The following CTNNA3 variants were observed in gnomAD, a reference collection of about 807,000 sequenced individuals.
CTNNA3 encodes the protein catenin alpha-3.
In CTNNA3, 76 loss-of-function variants were observed where a neutral mutation model predicts 95.7. That is an observed-to-expected ratio of 0.79 (90% confidence interval 0.66 to 0.96). CTNNA3 has a LOEUF of 0.96. Among genes scored for constraint, CTNNA3 ranks in the 40% least tolerant of loss-of-function variants. The pLI is 0.00. For missense variants in CTNNA3, 1,191 were observed against 1,089.8 expected, an observed-to-expected ratio of 1.09 and a Z score of -1.31; for synonymous variants, 431 against 374.4, an observed-to-expected ratio of 1.15 and a Z score of -1.74.
chr10:66,994,279 G>A (rs936172723), intron 7 of CTNNA3, among the ~76,000 whole-genome samples: 4 of 152,114 alleles, frequency 2.6e-5, no homozygotes, highest in South Asian at 2.1e-4. Flanking sequence ...AGCTTTATAC[G>A]GACATTTAAC....
chr10:66,214,983 C>T (rs189104423), intron 13 of CTNNA3, among the ~76,000 whole-genome samples: 1 of 151,606 alleles, frequency 6.6e-6, no homozygotes, highest in Non-Finnish European at 1.5e-5. Flanking sequence ...AGGTTGATGA[C>T]TAGATAGATA....
At chr10:66,341,873 A>T (rs957759481) in intron 12 of CTNNA3, among the ~76,000 whole-genome samples, 1 of 151,876 alleles carries the variant, frequency 6.6e-6, no homozygotes, top group Non-Finnish European at 1.5e-5. Context: ...CAATATATGG[A>T]AATGGGATAG....
intron 12 of CTNNA3, among the ~76,000 whole-genome samples, chr10:66,371,337 G>A (rs554226394): frequency 1.3e-5 from 2 of 152,226 alleles, no homozygotes; most frequent in African/African-American, 4.8e-5. Context: ...TGAAGCTAGT[G>A]TCTTGGCCAT....
chr10:67,358,314 T>C (rs1364312979), intron 5 of CTNNA3, among the ~76,000 whole-genome samples: 3 of 151,974 alleles, frequency 2.0e-5, no homozygotes, highest in Admixed American at 2.0e-4. Context: ...AAAGACACTA[T>C]TACAAAAATG....
chr10:66,363,871 T>C (rs1276064973), intron 12 of CTNNA3, among the ~76,000 whole-genome samples: 12 of 152,172 alleles, frequency 7.9e-5, no homozygotes, highest in Admixed American at 7.9e-4. Flanking sequence ...ACTAAGACTA[T>C]GCAGCAGGCA....
chr10:66,756,858 T>G (rs1839380731), intron 9 of CTNNA3, among the ~76,000 whole-genome samples: 1 of 152,158 alleles, frequency 6.6e-6, no homozygotes, highest in Non-Finnish European at 1.5e-5. Flanking sequence ...AAATCCACCT[T>G]GTTGAGCCTT....
intron 7 of CTNNA3, among the ~76,000 whole-genome samples, chr10:66,858,285 G>A (rs1310170722): frequency 6.6e-6 from 1 of 151,992 alleles, no homozygotes; most frequent in Non-Finnish European, 1.5e-5. Flanking sequence ...TTTTTGATTT[G>A]TTGTTGGGTT....
At chr10:67,415,722 C>T (rs573850285) in intron 5 of CTNNA3, among the ~76,000 whole-genome samples, 1 of 152,226 alleles carries the variant, frequency 6.6e-6, no homozygotes, top group East Asian at 1.9e-4. Flanking sequence ...AAGACAGAGA[C>T]ATTACACTAC....
Position 66,149,779 on chromosome 10 carries a change from CTGAG to C in CTNNA3, c.1885-46534_1885-46531del, listed in dbSNP as rs2084095004. ...ACAGTTCTTTATAAATTAAATTAAG[CTGAG>C]TATCATCCATTTTTATAGTCTTTCA... is the stretch of plus-strand genomic sequence containing the variant. On this transcript the variant is annotated intron_variant, in intron 13 of 17. Coordinates refer to ENST00000433211, the MANE Select transcript of CTNNA3 (RefSeq NM_013266.4). Among the ~76,000 whole-genome samples, 3 of 151,906 alleles carry C rather than the reference CTGAG, an allele frequency of 2.0e-5. No individual in the cohort carries two copies. In the South Asian group the frequency reaches 6.3e-4, roughly 32 times the overall value.
chr10:67,185,559 A>G (rs970134961), intron 6 of CTNNA3, among the ~76,000 whole-genome samples: 6 of 152,144 alleles, frequency 3.9e-5, no homozygotes, highest in African/African-American at 1.4e-4. Flanking sequence ...TTCTTTACCC[A>G]GTAGATATTA....
intron 7 of CTNNA3, among the ~76,000 whole-genome samples, chr10:66,983,545 C>T (rs2132893153): frequency 6.6e-6 from 1 of 152,252 alleles, no homozygotes; most frequent in South Asian, 2.1e-4. Context: ...TCTTCCCAAC[C>T]ATGGTAACAT....
intron 10 of CTNNA3, among the ~76,000 whole-genome samples, chr10:66,585,802 T>C (rs549738770): frequency 7.2e-5 from 11 of 152,158 alleles, no homozygotes; most frequent in Admixed American, 5.9e-4. Context: ...GTCAGTGTGA[T>C]TGATTTTTTT....
intron 10 of CTNNA3, among the ~76,000 whole-genome samples, chr10:66,572,297 C>T (rs759011173): frequency 1.3e-5 from 2 of 151,560 alleles, no homozygotes; most frequent in South Asian, 2.1e-4. Flanking sequence ...GCAGGAGAAT[C>T]GCTTAAACCC....
At chr10:66,223,847 A>T (rs1038410904) in intron 13 of CTNNA3, among the ~76,000 whole-genome samples, 5 of 150,124 alleles carry the variant, frequency 3.3e-5, no homozygotes, top group African/African-American at 1.2e-4. Flanking sequence ...TACGTAGCTT[A>T]CCCTTCACAA....
At chr10:66,103,049 C>G (rs186717320) in intron 14 of CTNNA3, 108 bp downstream of exon 14, 1 of 828,292 alleles carries the variant, frequency 1.2e-6, no homozygotes, top group African/African-American at 1.7e-5. Context: ...ACAGAACTAG[C>G]TCCAGATCCA....
intron 7 of CTNNA3, among the ~76,000 whole-genome samples, chr10:66,917,168 G>A (rs1846532503): frequency 1.3e-5 from 2 of 152,208 alleles, no homozygotes; most frequent in Admixed American, 1.3e-4. Flanking sequence ...GAAGAACAGT[G>A]TAAGAGTTTA....
In CTNNA3 at chr10:66,897,646, AATAAT is replaced by A. The variant is rs201438820; in HGVS notation, c.1048-122127_1048-122123del. The stretch of plus-strand genomic sequence containing the variant: ...AATCATTTTTATTCATCAAATTGTT[AATAAT>A]ATGAGTTACTCTTAGAATACTATTA... On this transcript the variant is annotated intron_variant, in intron 7 of 17. Transcript: ENST00000433211. Among the ~76,000 whole-genome samples, 479 of 152,286 alleles carry A rather than the reference AATAAT, an allele frequency of 3.1e-3. 3 individuals carry two copies. Among genetic ancestry groups the A allele is most frequent in the African/African-American group, 0.011 (449 of 41,578 alleles).
chr10:66,315,119 T>G lies in CTNNA3; in HGVS notation c.1733-34498A>C, dbSNP rs534943785. ...TCTTTATTAATAAATTTTACTGAGA[T>G]AGCTTATTGCTCCTTTTTTTTTCTC... On this transcript the variant is annotated intron_variant, in intron 12 of 17. Transcript: ENST00000433211. 3.7e-4 allele frequency among the ~76,000 whole-genome samples: 57 copies of G among 152,202 alleles called. 1 individual carries two copies. Among genetic ancestry groups the G allele is most frequent in the South Asian group, 1.5e-3 (7 of 4,826 alleles).
At chr10:67,391,144 T>C (rs902367397) in intron 5 of CTNNA3, among the ~76,000 whole-genome samples, 3 of 152,106 alleles carry the variant, frequency 2.0e-5, no homozygotes, top group Non-Finnish European at 4.4e-5. Context: ...CATGATTGTA[T>C]ATCTAGAAAC....
Sources: allele counts gnomAD v4.1 joint callset (sites outside exome capture counted in the v4.1 genomes callset), GRCh38; gene constraint gnomAD v4.1.1; transcripts MANE v1.5; gene names NCBI Gene and HGNC (gene_info 2026-07-23, HGNC 2026-07-21).